The following SYTL3 variants were observed in gnomAD, a reference collection of about 807,000 sequenced individuals.
SYTL3 encodes synaptotagmin like 3, also known as synaptotagmin-like protein 3.
A neutral mutation model predicts 82.1 loss-of-function variants in SYTL3; 88 were observed. That is an observed-to-expected ratio of 1.07 (90% CI 0.90 to 1.28). The LOEUF (loss-of-function observed/expected upper bound fraction) is 1.28, where lower values mean the gene tolerates loss of function less well. Among genes scored for constraint, SYTL3 ranks in the 50% most tolerant of loss-of-function variants. SYTL3 has a pLI of 0.00. For missense variants in SYTL3, 831 were observed against 757.6 expected (o/e 1.10, Z -1.14); for synonymous variants, 311 against 289.4 (o/e 1.07, Z -0.76).
intron 6 of SYTL3, among the ~76,000 whole-genome samples, chr6:158,703,153 TAAAAAAAAA>T (rs71297001): frequency 1.1e-5 from 1 of 94,876 alleles, no homozygotes; most frequent in Non-Finnish European, 2.1e-5. Context: ...GACTCTGTCT[TAAAAAAAAA>T]AAAAAAAAAA....
chr6:158,679,177 C>A (rs1000573880), intron 5 of SYTL3, among the ~76,000 whole-genome samples: 2 of 152,114 alleles, frequency 1.3e-5, no homozygotes, highest in African/African-American at 4.8e-5. Flanking sequence ...CAAGACCAGC[C>A]TGGCCAACAT....
intron 6 of SYTL3, among the ~76,000 whole-genome samples, chr6:158,691,246 T>G (rs1583248098): frequency 6.6e-6 from 1 of 150,694 alleles, no homozygotes; most frequent in African/African-American, 2.4e-5. Flanking sequence ...GCTCGGGGGG[T>G]TGAGGCAGGA....
At chr6:158,743,890 C>A (rs1485709459) in intron 11 of SYTL3, among the ~76,000 whole-genome samples, 2 of 152,090 alleles carry the variant, frequency 1.3e-5, no homozygotes, top group Non-Finnish European at 2.9e-5. Flanking sequence ...AGGTTCCAGC[C>A]TGTCTGATGA....
chr6:158,675,756 G>T (rs1448325683), intron 5 of SYTL3, among the ~76,000 whole-genome samples: 1 of 152,270 alleles, frequency 6.6e-6, no homozygotes, highest in East Asian at 1.9e-4. Context: ...GACCATCCTG[G>T]CTAACATGGT....
chr6:158,712,506 C>T (rs1359496722), intron 8 of SYTL3, among the ~76,000 whole-genome samples: 1 of 152,108 alleles, frequency 6.6e-6, no homozygotes, highest in African/African-American at 2.4e-5. Flanking sequence ...TTAATAAAGG[C>T]AGTAACAAAG....
Position 158,757,370 on chromosome 6 carries a change from C to A in SYTL3, c.1297C>A (p.Leu433Ile). 6.2e-7 allele frequency: 1 copy of A among 1,614,020 alleles called. No homozygotes were observed. Among genetic ancestry groups the A allele is most frequent in the Non-Finnish European group, 8.5e-7 (1 of 1,179,962 alleles). ...STTQSFRWHP[L>I]RAKAEKYEDS... ...AACACAGTCCTTCCGCTGGCATCCG[C>A]TCCGGGCCAAGGTGATGTCTGGTTT... is the stretch of plus-strand genomic sequence containing the variant. Residue 433 changes from leucine (L) to isoleucine (I), a missense_variant, in exon 14 of 18, where the codon CTC (leucine) becomes ATC (isoleucine). Coordinates refer to ENST00000611299, the MANE Select transcript of SYTL3 (RefSeq NM_001242394.2).
intron 12 of SYTL3, among the ~76,000 whole-genome samples, chr6:158,749,995 G>A: frequency 6.6e-6 from 1 of 152,150 alleles, no homozygotes; most frequent in East Asian, 1.9e-4. Flanking sequence ...GGAAAAACTA[G>A]GACATAAGAC....
chr6:158,721,924 G>T (rs1001408295), intron 10 of SYTL3, among the ~76,000 whole-genome samples: 2 of 152,280 alleles, frequency 1.3e-5, no homozygotes, highest in Admixed American at 1.3e-4. Flanking sequence ...GAGCCGCTGC[G>T]CCTGGTCCAG....
chr6:158,732,471 C>T (rs116501881), intron 11 of SYTL3, among the ~76,000 whole-genome samples: 8 of 152,348 alleles, frequency 5.3e-5, no homozygotes, highest in African/African-American at 1.9e-4. Flanking sequence ...CCAGCTTGTC[C>T]CCTTTCCACT....
chr6:158,654,362 A>G (rs1788418669), intron 2 of SYTL3, among the ~76,000 whole-genome samples: 1 of 152,248 alleles, frequency 6.6e-6, no homozygotes, highest in Non-Finnish European at 1.5e-5. Flanking sequence ...ATAGAGGCCA[A>G]TAAAATCAGT....
intron 12 of SYTL3, among the ~76,000 whole-genome samples, chr6:158,750,217 G>A (rs899613214): frequency 1.2e-4 from 19 of 152,142 alleles, no homozygotes; most frequent in African/African-American, 4.3e-4. Flanking sequence ...CATTGTTTAA[G>A]GAGACACATC....
chr6:158,714,848 T>C (rs1283628382), intron 9 of SYTL3, among the ~76,000 whole-genome samples: 3 of 152,212 alleles, frequency 2.0e-5, no homozygotes, highest in Non-Finnish European at 4.4e-5. Flanking sequence ...TAATTAGTTG[T>C]CCGTATTCCT....
intron 4 of SYTL3, 60 bp from the exon 5 acceptor site, chr6:158,665,335 C>T: frequency 6.6e-7 from 1 of 1,506,672 alleles, no homozygotes. Flanking sequence ...GGCTCTTGCC[C>T]TATAGCCTGG....
chr6:158,717,330 A>T (rs7762221), intron 9 of SYTL3, among the ~76,000 whole-genome samples: 50,957 of 151,424 alleles, frequency 0.34, 9,018 homozygotes, highest in South Asian at 0.47. Flanking sequence ...TTAACTTTTT[A>T]AATATGGCTA....
chr6:158,681,417 C>T (rs75119232), intron 5 of SYTL3, among the ~76,000 whole-genome samples: 8,417 of 152,168 alleles, frequency 0.055, 369 homozygotes, highest in Middle Eastern at 0.13. Context: ...CCAAACAGGG[C>T]TCCTTTCCCA....
chr6:158,653,996 T>C (rs1788371440), intron 2 of SYTL3, among the ~76,000 whole-genome samples: 1 of 152,276 alleles, frequency 6.6e-6, no homozygotes, highest in South Asian at 2.1e-4. Flanking sequence ...GGTTTTACTT[T>C]TCTTGTACTT....
intron 11 of SYTL3, among the ~76,000 whole-genome samples, chr6:158,740,290 C>T (rs1786768489): frequency 6.6e-6 from 1 of 152,036 alleles, no homozygotes; most frequent in African/African-American, 2.4e-5. Context: ...GCCACCATGC[C>T]CAGCCAAGGC....
At chr6:158,696,401 C>T (rs950758642) in intron 6 of SYTL3, among the ~76,000 whole-genome samples, 41 of 149,738 alleles carry the variant, frequency 2.7e-4, no homozygotes, top group African/African-American at 9.8e-4. Flanking sequence ...GATGGGGTTT[C>T]ACTGTGTTGG....
At chr6:158,703,027 G>A (rs1165887950) in intron 6 of SYTL3, among the ~76,000 whole-genome samples, 5 of 151,810 alleles carry the variant, frequency 3.3e-5, no homozygotes, top group African/African-American at 9.7e-5. Flanking sequence ...GGTGGCGGGC[G>A]CCTGTAGTTC....
Sources: gnomAD v4.1 joint callset for allele counts (sites outside exome capture counted in the v4.1 genomes callset) on GRCh38, gnomAD v4.1.1 for gene constraint, MANE v1.5 for transcripts, NCBI Gene and HGNC (gene_info 2026-07-23, HGNC 2026-07-21) for gene names.